The following GABRG3 variants were observed in gnomAD, a reference collection of about 807,000 sequenced individuals.
GABRG3 encodes the protein gamma-aminobutyric acid receptor subunit gamma-3.
A neutral mutation model predicts 48.8 loss-of-function variants in GABRG3; 25 were observed. That is an observed-to-expected ratio of 0.51 (90% CI 0.37 to 0.72). The LOEUF (loss-of-function observed/expected upper bound fraction) is 0.72. Ranked by LOEUF, GABRG3 falls within the 30% of genes least tolerant of loss-of-function variation. The probability of loss-of-function intolerance (pLI) is 0.00; values close to 1 mark genes in which losing one functional copy is unlikely to be tolerated. For synonymous variants in GABRG3, 227 were observed against 217.6 expected (o/e 1.04, Z -0.38); for missense variants, 394 against 577.9 (o/e 0.68, Z 3.26).
chr15:27,152,216 C>T (rs553124783), intron 3 of GABRG3, among the ~76,000 whole-genome samples: 54 of 152,240 alleles, frequency 3.5e-4, no homozygotes, highest in African/African-American at 1.2e-3. Context: ...ATTTTTCCAG[C>T]ACAATTTGCT....
At position 27,538,451 on chromosome 15, in the gene GABRG3, T is replaced by G. The variant is rs1437113548; in HGVS notation, c.*5570T>G. ...AACAGACATGATTTGAATGTAGCATTCAGGTTATTGAGGTGAACGTAAATT... is the reference window on the plus strand; with the variant it reads ...AACAGACATGATTTGAATGTAGCATGCAGGTTATTGAGGTGAACGTAAATT... On this transcript the variant is annotated 3_prime_UTR_variant, in exon 10 of 10. Transcript: ENST00000615808. The G allele has an allele frequency of 6.6e-6, 1 of 152,200 alleles. No individual in the cohort carries two copies. Among genetic ancestry groups the G allele is most frequent in the Non-Finnish European group, 1.5e-5 (1 of 68,038 alleles). The allele number at this position is 152,200 out of a possible 1,614,324, so 9.4% of individuals were successfully genotyped here. A position where few individuals can be genotyped will look rare whatever the true frequency, so the allele number is the denominator to read the frequency against.
chr15:27,479,380 A>G (rs1890040758), intron 5 of GABRG3, among the ~76,000 whole-genome samples: 1 of 152,196 alleles, frequency 6.6e-6, no homozygotes, highest in Admixed American at 6.5e-5. Flanking sequence ...AAGGGAGAGC[A>G]TGTATCCCTG....
chr15:26,977,295 T>C (rs993275498), intron 2 of GABRG3, 145 bp downstream of exon 2: 1 of 841,642 alleles, frequency 1.2e-6, no homozygotes, highest in Non-Finnish European at 1.8e-6. Context: ...GATAACTTAG[T>C]GTGATACCAA....
rs529949166 is a variant in GABRG3, at chr15:27,306,325, T to C, written c.271-20484T>C. Among the ~76,000 whole-genome samples, 220 of 127,548 alleles carry C rather than the reference T, an allele frequency of 1.7e-3. 5 individuals are homozygous for C. The highest frequency in any genetic ancestry group is 2.5e-3 in the Non-Finnish European group (159 of 64,374). 83.7% of individuals were successfully genotyped at this position (127,548 alleles called of 152,430 possible). A position where few individuals can be genotyped will look rare whatever the true frequency, so the allele number is the denominator to read the frequency against. On this transcript the variant is annotated intron_variant, in intron 3 of 9. Coordinates refer to ENST00000615808, the MANE Select transcript of GABRG3 (RefSeq NM_033223.5). Reference sequence around the variant, plus strand: ...CATATATATAATATAAACATGTCTATATATAAACATAAAATATAAACATGT... The same window carrying C: ...CATATATATAATATAAACATGTCTACATATAAACATAAAATATAAACATGT...
intron 3 of GABRG3, among the ~76,000 whole-genome samples, chr15:27,141,657 G>A (rs1898105199): frequency 6.6e-6 from 1 of 152,156 alleles, no homozygotes; most frequent in Admixed American, 6.5e-5. Context: ...GGAGGGTAGT[G>A]GCAGTTAACA....
At chr15:27,107,362 T>C (rs1897468543) in intron 3 of GABRG3, among the ~76,000 whole-genome samples, 1 of 152,046 alleles carries the variant, frequency 6.6e-6, no homozygotes, top group Admixed American at 6.5e-5. Flanking sequence ...TTTACATTGA[T>C]TTATAAATAT....
At chr15:27,157,297 A>G (rs1213830864) in intron 3 of GABRG3, among the ~76,000 whole-genome samples, 1 of 152,222 alleles carries the variant, frequency 6.6e-6, no homozygotes, top group Non-Finnish European at 1.5e-5. Flanking sequence ...CTGGAGTTTT[A>G]TTCCCATGTG....
At chr15:27,423,351 G>A (rs1320785927) in intron 5 of GABRG3, among the ~76,000 whole-genome samples, 1 of 148,958 alleles carries the variant, frequency 6.7e-6, no homozygotes, top group East Asian at 2.0e-4. Flanking sequence ...ACAGAGAAAT[G>A]AGACCTGCTC....
At chr15:27,168,806 G>C (rs555786360) in intron 3 of GABRG3, among the ~76,000 whole-genome samples, 1 of 152,122 alleles carries the variant, frequency 6.6e-6, no homozygotes, top group South Asian at 2.1e-4. Flanking sequence ...CCTTCAGAGC[G>C]ATGAGAAATA....
At chr15:27,092,681 C>G (rs978138489) in intron 3 of GABRG3, among the ~76,000 whole-genome samples, 4 of 152,162 alleles carry the variant, frequency 2.6e-5, no homozygotes, top group African/African-American at 2.4e-5. Flanking sequence ...AATAGATGTG[C>G]TTATCAAATA....
chr15:27,159,644 A>G (rs1021872809), intron 3 of GABRG3, among the ~76,000 whole-genome samples: 7 of 152,136 alleles, frequency 4.6e-5, no homozygotes, highest in Admixed American at 3.9e-4. Context: ...TGGAAACGCT[A>G]GACTTTCCCT....
At chr15:27,055,526 T>A (rs1237138167) in intron 3 of GABRG3, among the ~76,000 whole-genome samples, 1 of 152,200 alleles carries the variant, frequency 6.6e-6, no homozygotes, top group Non-Finnish European at 1.5e-5. Context: ...ATCCCACACC[T>A]GACCTCACAT....
At chr15:27,252,779 A>C (rs1890501305) in intron 3 of GABRG3, among the ~76,000 whole-genome samples, 1 of 152,234 alleles carries the variant, frequency 6.6e-6, no homozygotes, top group Non-Finnish European at 1.5e-5. Flanking sequence ...ATGGATAAAG[A>C]AACTCAGGAT....
intron 3 of GABRG3, among the ~76,000 whole-genome samples, chr15:27,241,406 A>G (rs1035908113): frequency 6.6e-6 from 1 of 152,214 alleles, no homozygotes; most frequent in African/African-American, 2.4e-5. Flanking sequence ...ACAAACCAGT[A>G]AAGGACTTAC....
intron 3 of GABRG3, among the ~76,000 whole-genome samples, chr15:27,237,653 G>A (rs1890015046): frequency 6.6e-6 from 1 of 152,236 alleles, no homozygotes; most frequent in African/African-American, 2.4e-5. Flanking sequence ...TAAACTGGAT[G>A]TGATTTTCAA....
chr15:27,527,239 TAATAAG>T (rs1891299385), intron 7 of GABRG3, among the ~76,000 whole-genome samples, 188 bp from the exon 8 acceptor site: 1 of 152,214 alleles, frequency 6.6e-6, no homozygotes. Flanking sequence ...GTGAAGACTA[TAATAAG>T]AAATTTCATT....
At chr15:27,368,751 G>T (rs1895297675) in intron 5 of GABRG3, among the ~76,000 whole-genome samples, 1 of 152,174 alleles carries the variant, frequency 6.6e-6, no homozygotes, top group Non-Finnish European at 1.5e-5. Context: ...AGGACAAGTA[G>T]ACATGCTTGG....
Position 27,129,713 on chromosome 15 carries a change from G to GT in GABRG3, c.270+102905dup, listed in dbSNP as rs144545389. On this transcript the variant is annotated intron_variant, in intron 3 of 9. Coordinates refer to ENST00000615808, the MANE Select transcript of GABRG3 (RefSeq NM_033223.5). ...GCCAACACTTGTTAGTTTCTGTTTT[G>GT]TTTTTTTTTTTTTCATAACAGCCAT... 3.4e-3 allele frequency among the ~76,000 whole-genome samples: 481 copies of GT among 142,586 alleles called. 3 individuals carry two copies. Among genetic ancestry groups the GT allele is most frequent in the Middle Eastern group, 0.018 (5 of 274 alleles). 93.5% of individuals were successfully genotyped at this position (142,586 alleles called of 152,430 possible).
At chr15:27,229,914 AT>A (rs1004516020) in intron 3 of GABRG3, among the ~76,000 whole-genome samples, 14 of 151,912 alleles carry the variant, frequency 9.2e-5, no homozygotes, top group African/African-American at 3.1e-4. Flanking sequence ...ATTTTAAAAT[AT>A]TTTTTTCTAG....
Sources: gnomAD v4.1 joint callset for allele counts (sites outside exome capture counted in the v4.1 genomes callset) on GRCh38, gnomAD v4.1.1 for gene constraint, MANE v1.5 for transcripts, NCBI Gene and HGNC (gene_info 2026-07-23, HGNC 2026-07-21) for gene names.